The following ZNF837 variants were observed in gnomAD, a reference collection of about 807,000 sequenced individuals.
ZNF837 encodes the protein zinc finger protein 837.
For missense variants in ZNF837, 955 were observed against 801.7 expected (o/e 1.19, Z -2.31); for synonymous variants, 475 against 365.2 (o/e 1.30, Z -3.43).
At chr19:58,374,925 T>C (rs2052228960) in intron 1 of ZNF837, among the ~76,000 whole-genome samples, 1 of 142,456 alleles carries the variant, frequency 7.0e-6, no homozygotes, top group African/African-American at 2.7e-5. Context: ...TGAGCAAGAC[T>C]CCATCTCAAA....
rs747941417 is a variant in ZNF837 at position 58,368,836 on chromosome 19, T to C, written c.497A>G (p.Asp166Gly). Reference protein sequence around the residue: ...PRTQLCEVHTDCWPCQPGTGA... With the variant: ...PRTQLCEVHTGCWPCQPGTGA... ...AGTCCCTGGTTGGCACGGCCAACAG[T>C]CCGTGTGGACCTCACACAGTTGAGT... The change falls in exon 3 of 3, where the codon GAC becomes GGC. Residue 166 changes from aspartate (D) to glycine (G), a missense_variant. Coordinates refer to ENST00000597582, the MANE Select transcript of ZNF837 (RefSeq NM_138466.2). 1 of 1,547,044 alleles carries C rather than the reference T, an allele frequency of 6.5e-7. No homozygotes were observed. Among genetic ancestry groups the C allele is most frequent in the Admixed American group, 2.0e-5 (1 of 50,992 alleles).
chr19:58,369,239 G>A lies in ZNF837; in HGVS notation c.94C>T (p.Pro32Ser). The A allele has an allele frequency of 7.0e-7, 1 of 1,425,066 alleles. No homozygotes were observed. The allele number at this position is 1,425,066 out of a possible 1,614,324, so 88.3% of individuals were successfully genotyped here. ...SGAREKRPEEPRPLEEDRAGS... is the reference protein window; with the variant it reads ...SGAREKRPEESRPLEEDRAGS... ...GCTCGGTCCTCTTCGAGGGGCCTCG[G>A]CTCCTCGGGCCTCTTCTCCCGGGCC... is the stretch of plus-strand genomic sequence containing the variant. The change falls in exon 3 of 3, where the codon CCG becomes TCG. Residue 32 changes from proline (P) to serine (S), a missense_variant. Physicochemically the swap from Pro to Ser is moderately conservative, Grantham distance 74. Coordinates refer to ENST00000597582, the MANE Select transcript of ZNF837 (RefSeq NM_138466.2).
At position 58,372,584 on chromosome 19, in the gene ZNF837, G is replaced by A. The variant is rs564703603; in HGVS notation, c.-139-2656C>T. ...CCTGGTGGCCTGAAATAACTTGACC[G>A]GGAACTAAAAGGACTCACGAAGCAT... On this transcript the variant is annotated intron_variant, in intron 1 of 2. Coordinates refer to ENST00000597582, the MANE Select transcript of ZNF837 (RefSeq NM_138466.2). Among the ~76,000 whole-genome samples, 8 of 152,316 alleles carry A rather than the reference G, an allele frequency of 5.3e-5. No individual in the cohort carries two copies. The South Asian group carries it at 1.0e-3, about 20-fold the overall frequency.
intron 1 of ZNF837, among the ~76,000 whole-genome samples, chr19:58,372,436 G>A (rs553562465): frequency 6.6e-6 from 1 of 151,904 alleles, no homozygotes; most frequent in Non-Finnish European, 1.5e-5. Context: ...GGGAGTCCGG[G>A]GGGGGCGGAT....
At chr19:58,377,078 G>C (rs1195275417) in intron 1 of ZNF837, among the ~76,000 whole-genome samples, 1 of 151,634 alleles carries the variant, frequency 6.6e-6, no homozygotes, top group East Asian at 1.9e-4. Context: ...TTAGCCAGGC[G>C]AGGTGGCGCG....
rs754804235 is a variant in ZNF837, at chr19:58,369,040, T to C, written c.293A>G (p.Gln98Arg). The C allele has an allele frequency of 4.6e-6, 7 of 1,514,128 alleles. No individual in the cohort carries two copies. Among genetic ancestry groups the C allele is most frequent in the African/African-American group, 2.8e-5 (2 of 71,730 alleles). 93.8% of individuals were successfully genotyped at this position (1,514,128 alleles called of 1,614,324 possible). ...VREPCGPTSSQNPELVIPEGL... is the reference protein window; with the variant it reads ...VREPCGPTSSRNPELVIPEGL... Reference sequence around the variant, plus strand: ...CTCGGGGATAACCAGCTCAGGGTTCTGAGAAGAGGTGGGGCCGCACGGCTC... The same window carrying C: ...CTCGGGGATAACCAGCTCAGGGTTCCGAGAAGAGGTGGGGCCGCACGGCTC... Residue 98 changes from glutamine to arginine, a missense_variant, in exon 3 of 3, where the codon CAG becomes CGG. By Grantham distance (43) the Gln-to-Arg change is conservative. Transcript: ENST00000597582.
chr19:58,376,307 C>A (rs2052244965), intron 1 of ZNF837, among the ~76,000 whole-genome samples: 1 of 151,990 alleles, frequency 6.6e-6, no homozygotes, highest in Admixed American at 6.5e-5. Context: ...AATTCCAGCA[C>A]TTTGGGAGGC....
At chr19:58,375,665 C>T (rs993023523) in intron 1 of ZNF837, among the ~76,000 whole-genome samples, 2 of 151,430 alleles carry the variant, frequency 1.3e-5, no homozygotes, top group Non-Finnish European at 2.9e-5. Flanking sequence ...TCAGGCTGGT[C>T]TCGAACTCCT....
chr19:58,373,924 A>G (rs1424080926), intron 1 of ZNF837, among the ~76,000 whole-genome samples: 1 of 152,254 alleles, frequency 6.6e-6, no homozygotes, highest in African/African-American at 2.4e-5. Flanking sequence ...AGCACCACTC[A>G]TACACCCAGG....
intron 1 of ZNF837, among the ~76,000 whole-genome samples, chr19:58,370,974 G>C (rs993887286): frequency 6.6e-6 from 1 of 151,638 alleles, no homozygotes; most frequent in Non-Finnish European, 1.5e-5. Flanking sequence ...GGGCGCGGTG[G>C]CTCACGCCTG....
chr19:58,368,322 G>A lies in ZNF837; in HGVS notation c.1011C>T (p.Phe337=), dbSNP rs956129969. Residue 337 remains phenylalanine (F), a synonymous_variant, in exon 3 of 3, where the codon TTC becomes TTT. Transcript: ENST00000597582. The part of the protein sequence containing the change: ...RRGPVLARRA[F]RLGCPPCGDY... Reference sequence around the variant, plus strand: ...CCCCGCAGGGCGGGCACCCCAGCCGGAAGGCGCGCCGCGCCAGGACGGGGC... The same window carrying A: ...CCCCGCAGGGCGGGCACCCCAGCCGAAAGGCGCGCCGCGCCAGGACGGGGC... The A allele has an allele frequency of 1.3e-6, 2 of 1,495,012 alleles. No homozygotes were observed. The highest frequency in any genetic ancestry group is 8.8e-7 in the Non-Finnish European group (1 of 1,131,420). 92.6% of individuals were successfully genotyped at this position (1,495,012 alleles called of 1,614,324 possible).
intron 1 of ZNF837, among the ~76,000 whole-genome samples, chr19:58,371,888 A>ATTT (rs2052205276): frequency 6.7e-6 from 1 of 149,656 alleles, no homozygotes; most frequent in African/African-American, 2.5e-5. Context: ...TGTCTGGCTA[A>ATTT]TTTTTTGTAT....
intron 1 of ZNF837, among the ~76,000 whole-genome samples, chr19:58,370,186 T>C (rs950842398): frequency 2.4e-4 from 36 of 152,344 alleles, no homozygotes; most frequent in African/African-American, 7.0e-4. Flanking sequence ...TTCAGTAGTG[T>C]GGGTTCCTTC....
At position 58,367,742 on chromosome 19, in the gene ZNF837, G is replaced by A. The variant is rs978316575; in HGVS notation, c.1591C>T (p.Pro531Ser). ...HRKRHGGRAA[P>S] ...CGACTCTCGGCTCCCTGCAGTCAAG[G>A]CGCGGCGCGGCCCCCGTGCCGCTTC... Residue 531 changes from proline (P) to serine (S), a missense_variant, in exon 3 of 3, where the codon CCT becomes TCT. Physicochemically the swap from Pro to Ser is moderately conservative, Grantham distance 74 (BLOSUM62 -1). Coordinates refer to ENST00000597582, the MANE Select transcript of ZNF837 (RefSeq NM_138466.2). 1 of 1,520,122 alleles carries A rather than the reference G, an allele frequency of 6.6e-7. No individual in the cohort carries two copies. Among genetic ancestry groups the A allele is most frequent in the Non-Finnish European group, 8.8e-7 (1 of 1,140,278 alleles). The allele number at this position is 1,520,122 out of a possible 1,614,324, so 94.2% of individuals were successfully genotyped here. A position where few individuals can be genotyped will look rare whatever the true frequency, so the allele number is the denominator to read the frequency against.
chr19:58,368,676 C>T lies in ZNF837; in HGVS notation c.657G>A (p.Gln219=). ...RALRIPQERL[Q]ATEEPRPCAR... ...CACACGGACGGGGCTCCTCCGTCGC[C>T]TGCAGCCTCTCCTGGGGGATCCGCA... The change falls in exon 3 of 3, where the codon CAG becomes CAA. Residue 219 remains glutamine, a synonymous_variant. Transcript: ENST00000597582. 3 of 1,530,640 alleles carry T rather than the reference C, an allele frequency of 2.0e-6. No homozygotes were observed. Among genetic ancestry groups the T allele is most frequent in the Non-Finnish European group, 2.6e-6 (3 of 1,143,078 alleles). The allele number at this position is 1,530,640 out of a possible 1,614,324, so 94.8% of individuals were successfully genotyped here. A position where few individuals can be genotyped will look rare whatever the true frequency, so the allele number is the denominator to read the frequency against.
Position 58,368,421 on chromosome 19 carries a change from G to A in ZNF837, c.912C>T (p.Cys304=), listed in dbSNP as rs751019068. ...CGGAGCAGCGCACGAAGGCCTTGCC[G>A]CACTCGGCGCACTCGTAGGGCCGCT... ...TGERPYECAE[C]GKAFVRCSGL... is the part of the protein sequence containing the mutation. Residue 304 remains cysteine (C), a synonymous_variant, in exon 3 of 3, where the codon TGC becomes TGT. Coordinates refer to ENST00000597582, the MANE Select transcript of ZNF837 (RefSeq NM_138466.2). The A allele has an allele frequency of 1.5e-5, 23 of 1,550,854 alleles. No individual in the cohort carries two copies. The highest frequency in any genetic ancestry group is 1.9e-5 in the Admixed American group (1 of 51,776).
In ZNF837 at chr19:58,377,171, C is replaced by T. The variant is rs563430706; in HGVS notation, c.-140+3770G>A. 8.1e-5 allele frequency among the ~76,000 whole-genome samples: 12 copies of T among 147,828 alleles called. No individual in the cohort carries two copies. In the East Asian group the frequency reaches 1.8e-3, roughly 22 times the overall value. On this transcript the variant is annotated intron_variant, in intron 1 of 2. Coordinates refer to ENST00000597582, the MANE Select transcript of ZNF837 (RefSeq NM_138466.2). The stretch of plus-strand genomic sequence containing the variant: ...GGCGGAGGTTGCAGTGAGCCAAGAT[C>T]GTGCCACTGCACTCCAGCCTGGGCG...
In ZNF837 at chr19:58,368,640, C is replaced by G. The variant is rs911404601; in HGVS notation, c.693G>C (p.Gly231=). 2.0e-6 allele frequency: 3 copies of G among 1,530,458 alleles called. No individual in the cohort carries two copies. Among genetic ancestry groups the G allele is most frequent in the Non-Finnish European group, 2.6e-6 (3 of 1,143,134 alleles). The allele number at this position is 1,530,458 out of a possible 1,614,324, so 94.8% of individuals were successfully genotyped here. A position where few individuals can be genotyped will look rare whatever the true frequency, so the allele number is the denominator to read the frequency against. Reference sequence around the variant, plus strand: ...GCTGCTGGTTGGGGCGGAAGCGCTTCCCGCACCGGGCACACGGACGGGGCT... The same window carrying G: ...GCTGCTGGTTGGGGCGGAAGCGCTTGCCGCACCGGGCACACGGACGGGGCT... ...TEEPRPCARC[G]KRFRPNQQQQ... is the part of the protein sequence containing the mutation. Residue 231 remains glycine, a synonymous_variant, in exon 3 of 3, where the codon GGG becomes GGC. Coordinates refer to ENST00000597582, the MANE Select transcript of ZNF837 (RefSeq NM_138466.2).
intron 1 of ZNF837, among the ~76,000 whole-genome samples, chr19:58,370,212 A>G (rs2052187275): frequency 6.6e-6 from 1 of 152,144 alleles, no homozygotes; most frequent in South Asian, 2.1e-4. Flanking sequence ...GCTCTTGGGG[A>G]GGACGTTTGC....
Sources: allele counts gnomAD v4.1 joint callset (sites outside exome capture counted in the v4.1 genomes callset), GRCh38; gene constraint gnomAD v4.1.1; transcripts MANE v1.5; gene names NCBI Gene and HGNC (gene_info 2026-07-23, HGNC 2026-07-21).